Variants in MEGF10 observed in about 807,000 individuals in gnomAD.
MEGF10 encodes the protein multiple epidermal growth factor-like domains protein 10.
In MEGF10, 86 loss-of-function variants were observed where a neutral mutation model predicts 147.5. The observed-to-expected ratio is 0.58, with a 90% CI of 0.49 to 0.70. MEGF10 has a LOEUF of 0.70. Ranked by LOEUF, MEGF10 falls within the 30% of genes least tolerant of loss-of-function variation. MEGF10 has a pLI of 0.00. For missense variants in MEGF10, 1,329 were observed against 1,487.3 expected (o/e 0.89, Z 1.75); for synonymous variants, 478 against 525.5 (o/e 0.91, Z 1.24).
chr5:127,331,122 C>A (rs1761240386), intron 1 of MEGF10, among the ~76,000 whole-genome samples, 169 bp from the exon 2 acceptor site: 1 of 152,144 alleles, frequency 6.6e-6, no homozygotes, highest in Admixed American at 6.5e-5. Context: ...ATAAGAAACA[C>A]CCCTCTCTCC....
intron 4 of MEGF10, among the ~76,000 whole-genome samples, chr5:127,346,881 A>G (rs1006270365): frequency 6.6e-6 from 1 of 152,130 alleles, no homozygotes; most frequent in Admixed American, 6.6e-5. Context: ...CACATCCATA[A>G]TGAGATATTC....
At chr5:127,256,167 G>A in the MEGF10 span, among the ~76,000 whole-genome samples, 7,177 of 152,112 alleles carry the variant, frequency 0.047, 283 homozygotes, top group African/African-American at 0.1. Context: ...TAATCTGTTA[G>A]ACCCTTTTCT....
At chr5:127,259,163 A>T in the MEGF10 span, among the ~76,000 whole-genome samples, 1 of 152,178 alleles carries the variant, frequency 6.6e-6, no homozygotes, top group African/African-American at 2.4e-5. Flanking sequence ...ACCCTCCATG[A>T]TGCAGGATTG....
rs1030103837 is a variant in MEGF10 at position 127,435,585 on chromosome 5, A to G, written c.2104+96A>G. On this transcript the variant is annotated intron_variant, in intron 16 of 24. Transcript: ENST00000503335. ...TATGAGTGTTTTTATATAATCAAGA[A>G]AGAATATATGACTAATTAAAAGACA... is the stretch of plus-strand genomic sequence containing the variant. 4.1e-6 allele frequency: 5 copies of G among 1,219,086 alleles called. No homozygotes were observed. The African/African-American group carries it at 6.2e-5, about 15-fold the overall frequency. The allele number at this position is 1,219,086 out of a possible 1,614,324, so 75.5% of individuals were successfully genotyped here.
chr5:127,452,720 G>A (rs1766201333), intron 22 of MEGF10, among the ~76,000 whole-genome samples: 2 of 152,118 alleles, frequency 1.3e-5, no homozygotes, highest in Non-Finnish European at 2.9e-5. Context: ...TGTATCCCTG[G>A]GCCTCCGGGT....
the MEGF10 span, among the ~76,000 whole-genome samples, chr5:127,237,188 C>T: frequency 0.54 from 82,337 of 152,090 alleles, 22,590 homozygotes; most frequent in Middle Eastern, 0.7. Context: ...GTAAAATTCA[C>T]GCCTGTTGTA....
At chr5:127,381,059 A>C (rs528568686) in intron 5 of MEGF10, among the ~76,000 whole-genome samples, 1 of 152,202 alleles carries the variant, frequency 6.6e-6, no homozygotes, top group African/African-American at 2.4e-5. Flanking sequence ...AGGTGTTTGA[A>C]AATCAGCCCT....
In MEGF10 at chr5:127,459,475, A is replaced by G. The variant is rs1484486176; in HGVS notation, c.*2157A>G. The G allele has an allele frequency of 6.6e-6, 1 of 152,202 alleles. No homozygotes were observed. Among genetic ancestry groups the G allele is most frequent in the East Asian group, 1.9e-4 (1 of 5,204 alleles). The allele number at this position is 152,202 out of a possible 1,614,324, so 9.4% of individuals were successfully genotyped here. On this transcript the variant is annotated 3_prime_UTR_variant, in exon 25 of 25. Transcript: ENST00000503335. Reference sequence around the variant, plus strand: ...TCGGGGTCCTTTTTGGTGAGAAGAAATAAGACATTTTCTCCCTTTTAAAGA... The same window carrying G: ...TCGGGGTCCTTTTTGGTGAGAAGAAGTAAGACATTTTCTCCCTTTTAAAGA...
intron 1 of MEGF10, among the ~76,000 whole-genome samples, chr5:127,292,023 C>T (rs1049150098): frequency 2.0e-5 from 3 of 152,184 alleles, no homozygotes; most frequent in Non-Finnish European, 4.4e-5. Flanking sequence ...CCTTTATATC[C>T]TGGGTCTCAC....
At chr5:127,380,795 G>A (rs1342231480) in intron 5 of MEGF10, among the ~76,000 whole-genome samples, 2 of 152,128 alleles carry the variant, frequency 1.3e-5, no homozygotes, top group Non-Finnish European at 2.9e-5. Flanking sequence ...GGGATTACAG[G>A]TGTGAGCCAC....
At chr5:127,380,409 G>C (rs1381640516) in intron 5 of MEGF10, among the ~76,000 whole-genome samples, 1 of 152,222 alleles carries the variant, frequency 6.6e-6, no homozygotes, top group Non-Finnish European at 1.5e-5. Context: ...TCGACAGAGA[G>C]GGCGTGATGC....
rs1765997329 is a variant in MEGF10, at chr5:127,447,617, A to G, written c.2789A>G (p.Tyr930Cys). 2 of 1,613,976 alleles carry G rather than the reference A, an allele frequency of 1.2e-6. No individual in the cohort carries two copies. The change falls in exon 21 of 25, where the codon TAC (tyrosine) becomes TGC (cysteine). Residue 930 changes from tyrosine (Y) to cysteine (C), a missense_variant. Tyr to Cys is a radical substitution (Grantham distance 194, BLOSUM62 -2). Coordinates refer to ENST00000503335, the MANE Select transcript of MEGF10 (RefSeq NM_001256545.2). ...AGCCACTACTTCACCAATCCCAGTTACCACACGCTCACCCAGTGTGCCACA... is the reference window on the plus strand; with the variant it reads ...AGCCACTACTTCACCAATCCCAGTTGCCACACGCTCACCCAGTGTGCCACA... The part of the protein sequence containing the change: ...ANSHYFTNPS[Y>C]HTLTQCATSP...
chr5:127,343,418 G>C (rs1479317944), intron 4 of MEGF10, among the ~76,000 whole-genome samples: 1 of 151,780 alleles, frequency 6.6e-6, no homozygotes, highest in Non-Finnish European at 1.5e-5. Context: ...CCCCACTGTA[G>C]ATGGTCATTC....
chr5:127,271,068 G>T, the MEGF10 span, among the ~76,000 whole-genome samples: 1 of 152,140 alleles, frequency 6.6e-6, no homozygotes, highest in African/African-American at 2.4e-5. Flanking sequence ...ATTCCTTTGG[G>T]TATATACCCA....
chr5:127,416,848 A>C (rs1764796511), intron 9 of MEGF10, among the ~76,000 whole-genome samples: 1 of 152,182 alleles, frequency 6.6e-6, no homozygotes, highest in South Asian at 2.1e-4. Flanking sequence ...ATTCTTTCCA[A>C]GAGTAGAAAA....
chr5:127,278,418 T>C, the MEGF10 span, among the ~76,000 whole-genome samples: 3 of 152,062 alleles, frequency 2.0e-5, no homozygotes, highest in Admixed American at 6.6e-5. Context: ...AAATATATGA[T>C]ACTAAGTTTA....
At chr5:127,425,859 C>T (rs1349634219) in intron 13 of MEGF10, among the ~76,000 whole-genome samples, 1 of 152,142 alleles carries the variant, frequency 6.6e-6, no homozygotes, top group African/African-American at 2.4e-5. Flanking sequence ...ATCCCTGTTG[C>T]TGAGATTGCT....
chr5:127,369,498 A>G (rs1404321702), intron 4 of MEGF10, among the ~76,000 whole-genome samples: 1 of 152,242 alleles, frequency 6.6e-6, no homozygotes, highest in East Asian at 1.9e-4. Context: ...ATCATAATAC[A>G]TAATCATAAT....
rs1766538163 is a variant in MEGF10 at position 127,460,947 on chromosome 5, T to C, written c.*3629T>C. The C allele has an allele frequency of 6.6e-6, 1 of 152,194 alleles. No homozygotes were observed. Among genetic ancestry groups the C allele is most frequent in the African/African-American group, 2.4e-5 (1 of 41,450 alleles). 9.4% of individuals were successfully genotyped at this position (152,194 alleles called of 1,614,324 possible). ...GCAAACTGCCCGTTTAGAGTCCTGT[T>C]AATATTGATGTCCTAACACTGGGTC... On this transcript the variant is annotated 3_prime_UTR_variant, in exon 25 of 25. Coordinates refer to ENST00000503335, the MANE Select transcript of MEGF10 (RefSeq NM_001256545.2).
Sources: allele counts gnomAD v4.1 joint callset (sites outside exome capture counted in the v4.1 genomes callset), GRCh38; gene constraint gnomAD v4.1.1; transcripts MANE v1.5; gene names NCBI Gene and HGNC (gene_info 2026-07-23, HGNC 2026-07-21).